The following BEST3 variants were observed in gnomAD, a reference collection of about 807,000 sequenced individuals.
The protein encoded by BEST3 is bestrophin 3.
Under a neutral mutation model 47.1 loss-of-function variants are expected in BEST3, and 50 were observed. The ratio of observed to expected loss-of-function variants is 1.06; its 90% CI spans 0.85 to 1.34. BEST3 has a LOEUF of 1.34. BEST3 is among the 40% of genes most tolerant of loss of function. The pLI is 0.00. For synonymous variants in BEST3, 282 were observed against 298.8 expected (o/e 0.94, Z 0.58); for missense variants, 765 against 817.0 (o/e 0.94, Z 0.78).
intron 9 of BEST3, among the ~76,000 whole-genome samples, chr12:69,656,630 A>T (rs11177777): frequency 0.11 from 16,310 of 152,202 alleles, 1,156 homozygotes; most frequent in Middle Eastern, 0.16. Flanking sequence ...ATATCATTAC[A>T]ATACAGTGAG....
At chr12:69,650,287 A>G (rs1320038668), downstream of BEST3, among the ~76,000 whole-genome samples, 1 of 152,184 alleles carries the variant, frequency 6.6e-6, no homozygotes, top group Non-Finnish European at 1.5e-5. Flanking sequence ...AAATTTGCAA[A>G]AAGAGAATGA....
At position 69,678,892 on chromosome 12, in the gene BEST3, ACCTTT is replaced by A; in HGVS notation, c.482-4_482del. ...ATTTCCTTTCATCTGTTGTCATAAA[ACCTTT>A]ACAAAAAAATAAAAATCGGTAGGTA... On this transcript the variant is annotated splice_acceptor_variant and splice_polypyrimidine_tract_variant and coding_sequence_variant and intron_variant, in exon 5 of 10. Coordinates refer to ENST00000330891, the MANE Select transcript of BEST3 (RefSeq NM_032735.3). LOFTEE classifies it high-confidence loss of function. The A allele has an allele frequency of 6.2e-7, 1 of 1,612,014 alleles. No individual in the cohort carries two copies. Among genetic ancestry groups the A allele is most frequent in the South Asian group, 1.1e-5 (1 of 90,836 alleles).
At chr12:69,678,658 C>T (rs750175969) in intron 5 of BEST3, 81 bp downstream of exon 5, 14 of 1,379,324 alleles carry the variant, frequency 1.0e-5, no homozygotes, top group Non-Finnish European at 1.4e-5. Flanking sequence ...AAAGCTGACT[C>T]TTCCTGGTCT....
At chr12:69,668,449 C>T (rs190474202) in intron 9 of BEST3, among the ~76,000 whole-genome samples, 3 of 152,308 alleles carry the variant, frequency 2.0e-5, no homozygotes, top group African/African-American at 7.2e-5. Context: ...TTGGCTCAGT[C>T]AGCACCAACA....
In BEST3 at chr12:69,654,206, T is replaced by C. The variant is rs1177509311; in HGVS notation, c.*701A>G. The C allele has an allele frequency of 1.9e-5, 19 of 984,740 alleles. No individual in the cohort carries two copies. Among genetic ancestry groups the C allele is most frequent in the African/African-American group, 5.3e-5 (3 of 57,038 alleles). 61.0% of individuals were successfully genotyped at this position (984,740 alleles called of 1,614,324 possible). On this transcript the variant is annotated 3_prime_UTR_variant, in exon 10 of 10. Coordinates refer to ENST00000330891, the MANE Select transcript of BEST3 (RefSeq NM_032735.3). ...ACAGATTTGGCAAGAGGAAATATTA[T>C]AACCTGAAAAATGGGACAGATTACT...
chr12:69,672,264 A>G (rs916006720), intron 8 of BEST3, among the ~76,000 whole-genome samples: 1 of 152,258 alleles, frequency 6.6e-6, no homozygotes, highest in African/African-American at 2.4e-5. Context: ...GGCTTGAAAC[A>G]AATGAAAAAT....
At chr12:69,664,565 A>T (rs888402234) in intron 9 of BEST3, among the ~76,000 whole-genome samples, 1 of 151,974 alleles carries the variant, frequency 6.6e-6, no homozygotes, top group Admixed American at 6.6e-5. Flanking sequence ...TTTCCAAACA[A>T]GGAGAGTTGT....
At chr12:69,643,831 C>T (rs767969322) in intron 9 of BEST3, 23 of 669,018 alleles carry the variant, frequency 3.4e-5, no homozygotes, top group Admixed American at 1.4e-4. Flanking sequence ...TCTTTCTACA[C>T]GTATACAGGT....
chr12:69,671,768 G>A (rs763024956), intron 8 of BEST3, among the ~76,000 whole-genome samples, 189 bp from the exon 9 acceptor site: 1 of 152,086 alleles, frequency 6.6e-6, no homozygotes, highest in Admixed American at 6.6e-5. Flanking sequence ...TTTACTACTC[G>A]AGAGCACTTG....
intron 8 of BEST3, 140 bp downstream of exon 8, chr12:69,672,745 G>T: frequency 1.6e-6 from 1 of 617,782 alleles, no homozygotes; most frequent in Non-Finnish European, 2.8e-6. Flanking sequence ...ACCTGAGACA[G>T]CACAGTGCAC....
At position 69,653,668 on chromosome 12, in the gene BEST3, A is replaced by G. The variant is rs1390747554; in HGVS notation, c.*1239T>C. On this transcript the variant is annotated 3_prime_UTR_variant, in exon 10 of 10. Transcript: ENST00000330891. ...TGTAGTCAAGTGCCATCATATGACA[A>G]ATGGTAAGTGCAGCAGTCGTAAGGC... The G allele has an allele frequency of 2.0e-6, 2 of 985,290 alleles. No individual in the cohort carries two copies. Among genetic ancestry groups the G allele is most frequent in the Non-Finnish European group, 1.2e-6 (1 of 829,948 alleles). The allele number at this position is 985,290 out of a possible 1,614,324, so 61.0% of individuals were successfully genotyped here.
chr12:69,689,161 T>A (rs761106863), intron 4 of BEST3: 8 of 985,378 alleles, frequency 8.1e-6, no homozygotes, highest in Non-Finnish European at 9.6e-6. Flanking sequence ...AACTTCCTGT[T>A]CTTCCCAGAA....
intron 4 of BEST3, among the ~76,000 whole-genome samples, chr12:69,689,434 G>T (rs7298838): frequency 0.27 from 40,340 of 152,000 alleles, 6,680 homozygotes; most frequent in African/African-American, 0.47. Context: ...CAATGCTTGC[G>T]TATAGTATGG....
chr12:69,661,817 C>T (rs1168856210), intron 9 of BEST3, among the ~76,000 whole-genome samples: 2 of 152,188 alleles, frequency 1.3e-5, no homozygotes, highest in Non-Finnish European at 2.9e-5. Context: ...GATGACCCCA[C>T]TACTACCCGT....
intron 9 of BEST3, chr12:69,670,492 G>C: frequency 1.4e-6 from 1 of 702,888 alleles, no homozygotes; most frequent in South Asian, 1.5e-5. Flanking sequence ...AGCCTCAGAG[G>C]CCCCTTTGGA....
intron 7 of BEST3, among the ~76,000 whole-genome samples, chr12:69,674,209 T>C (rs930384596): frequency 6.6e-6 from 1 of 152,200 alleles, no homozygotes; most frequent in Middle Eastern, 3.2e-3. Context: ...TTCTAGATTC[T>C]GAAACTATTC....
chr12:69,671,615 T>C, intron 8 of BEST3, 36 bp from the exon 9 acceptor site: 1 of 1,603,070 alleles, frequency 6.2e-7, no homozygotes, highest in South Asian at 1.1e-5. Flanking sequence ...ATAACTCAGA[T>C]GTAAATTAAA....
At chr12:69,687,660 T>C (rs1266980732) in intron 4 of BEST3, among the ~76,000 whole-genome samples, 2 of 41,868 alleles carry the variant, frequency 4.8e-5, no homozygotes, top group African/African-American at 1.4e-4. Context: ...TGAGAACGTG[T>C]CTCAAAAAAA....
chr12:69,643,587 C>A, exon 10 of BEST3: 2 of 564,114 alleles, frequency 3.5e-6, no homozygotes, highest in South Asian at 2.5e-5. Flanking sequence ...CTCCACATGC[C>A]TGGATGCTAA....
Sources: allele counts gnomAD v4.1 joint callset (sites outside exome capture counted in the v4.1 genomes callset), GRCh38; gene constraint gnomAD v4.1.1; transcripts MANE v1.5; gene names NCBI Gene and HGNC (gene_info 2026-07-23, HGNC 2026-07-21).